The following DPP6 variants were observed in gnomAD, a reference collection of about 807,000 sequenced individuals.
DPP6 encodes the protein A-type potassium channel modulatory protein DPP6.
DPP6 carries 69 observed loss-of-function variants against 122.6 expected under a neutral mutation model. The observed-to-expected ratio is 0.56, with a 90% CI of 0.46 to 0.69. The LOEUF (loss-of-function observed/expected upper bound fraction) is 0.69. DPP6 is among the 30% of genes least tolerant of loss of function. The pLI, the probability that DPP6 is intolerant of heterozygous loss-of-function variation, is 0.00. For synonymous variants in DPP6, 418 were observed against 433.1 expected (o/e 0.97, Z 0.43); for missense variants, 928 against 1,116.9 (o/e 0.83, Z 2.41).
At chr7:154,634,420 A>G (rs1835601479) in intron 5 of DPP6, among the ~76,000 whole-genome samples, 1 of 151,912 alleles carries the variant, frequency 6.6e-6, no homozygotes, top group South Asian at 2.1e-4. Flanking sequence ...ATTGTTGGAT[A>G]TTTGGGTTGG....
intron 1 of DPP6, among the ~76,000 whole-genome samples, chr7:154,369,609 A>G (rs1586077104): frequency 1.3e-5 from 2 of 151,864 alleles, no homozygotes; most frequent in South Asian, 2.1e-4. Flanking sequence ...CTGGGGATCC[A>G]CCTGCCTTGG....
chr7:153,912,147 T>C (rs1800117368), intron 1 of DPP6, among the ~76,000 whole-genome samples: 1 of 152,242 alleles, frequency 6.6e-6, no homozygotes, highest in African/African-American at 2.4e-5. Flanking sequence ...TCAATAAATT[T>C]ACCAGTGGCT....
At chr7:154,795,528 A>G (rs552707129) in intron 11 of DPP6, among the ~76,000 whole-genome samples, 1 of 152,130 alleles carries the variant, frequency 6.6e-6, no homozygotes, top group East Asian at 1.9e-4. Flanking sequence ...GGCAGTGATG[A>G]CCGCCCCCTG....
intron 4 of DPP6, among the ~76,000 whole-genome samples, chr7:154,564,639 G>C (rs1394808112): frequency 6.6e-6 from 1 of 152,120 alleles, no homozygotes; most frequent in Non-Finnish European, 1.5e-5. Context: ...CATAGATTGG[G>C]ATCTTCATTA....
chr7:153,970,811 G>T (rs1005300731), intron 1 of DPP6, among the ~76,000 whole-genome samples: 8 of 151,972 alleles, frequency 5.3e-5, no homozygotes, highest in African/African-American at 1.9e-4. Flanking sequence ...CTGATGGATG[G>T]GTCTGTTTCT....
chr7:154,131,693 G>A (rs1795293156), intron 1 of DPP6, among the ~76,000 whole-genome samples: 1 of 152,280 alleles, frequency 6.6e-6, no homozygotes, highest in Non-Finnish European at 1.5e-5. Context: ...AACCTCGTCT[G>A]TAGGGATAGA....
At chr7:154,664,259 C>T (rs923376839) in intron 6 of DPP6, among the ~76,000 whole-genome samples, 2 of 152,190 alleles carry the variant, frequency 1.3e-5, no homozygotes, top group African/African-American at 4.8e-5. Flanking sequence ...GGTGAATCAC[C>T]ATGGCGTATT....
At chr7:154,432,400 A>G (rs1476570440) in intron 1 of DPP6, among the ~76,000 whole-genome samples, 1 of 152,248 alleles carries the variant, frequency 6.6e-6, no homozygotes, top group African/African-American at 2.4e-5. Context: ...TATGGCCCTA[A>G]GTACCCTGAG....
chr7:154,440,181 G>A (rs949143304), intron 1 of DPP6, among the ~76,000 whole-genome samples: 2 of 152,186 alleles, frequency 1.3e-5, no homozygotes, highest in African/African-American at 4.8e-5. Context: ...AAGGTGGGAT[G>A]ACATCGTCTT....
At chr7:154,819,269 G>T (rs1462500831) in intron 16 of DPP6, among the ~76,000 whole-genome samples, 1 of 152,164 alleles carries the variant, frequency 6.6e-6, no homozygotes, top group Non-Finnish European at 1.5e-5. Context: ...ACAAAAATTA[G>T]CTGGACGTGA....
chr7:153,880,813 G>C, the DPP6 span, among the ~76,000 whole-genome samples: 2 of 152,206 alleles, frequency 1.3e-5, no homozygotes, highest in African/African-American at 4.8e-5. Flanking sequence ...AATGAATTTA[G>C]TCTGAATTAT....
At chr7:154,641,568 T>G (rs1476091977) in intron 6 of DPP6, among the ~76,000 whole-genome samples, 5 of 152,204 alleles carry the variant, frequency 3.3e-5, no homozygotes, top group Non-Finnish European at 7.3e-5. Flanking sequence ...TTTTAGGGTC[T>G]AAAGCCAAAG....
At chr7:154,793,337 T>C (rs775170176) in intron 10 of DPP6, among the ~76,000 whole-genome samples, 18 of 152,290 alleles carry the variant, frequency 1.2e-4, no homozygotes, top group East Asian at 9.7e-4. Context: ...AAATGTAAAA[T>C]TGTATTTTTT....
chr7:154,008,658 C>CTTTTTTT (rs57634994), intron 1 of DPP6, among the ~76,000 whole-genome samples: 9 of 101,512 alleles, frequency 8.9e-5, no homozygotes, highest in African/African-American at 1.2e-4. Flanking sequence ...TATTTCTTTT[C>CTTTTTTT]TTTTTTTTTT....
chr7:154,163,339 A>T (rs1797074528), intron 1 of DPP6, among the ~76,000 whole-genome samples: 1 of 152,162 alleles, frequency 6.6e-6, no homozygotes, highest in African/African-American at 2.4e-5. Flanking sequence ...TGCGTTGCTC[A>T]TGTTTGGGGT....
intron 7 of DPP6, among the ~76,000 whole-genome samples, chr7:154,675,471 C>G (rs1356948918): frequency 6.6e-6 from 1 of 152,198 alleles, no homozygotes; most frequent in Non-Finnish European, 1.5e-5. Context: ...AGCCCTAGGG[C>G]TCTCTGGAAT....
At chr7:154,259,064 G>A (rs28754656) in intron 1 of DPP6, among the ~76,000 whole-genome samples, 34,170 of 152,088 alleles carry the variant, frequency 0.22, 4,086 homozygotes, top group Middle Eastern at 0.3. Context: ...ACATGGATGC[G>A]TGTGGCCTGT....
the DPP6 span, among the ~76,000 whole-genome samples, chr7:153,819,996 T>C: frequency 6.6e-6 from 1 of 152,226 alleles, no homozygotes; most frequent in Admixed American, 6.5e-5. Flanking sequence ...GGCAAAAGTT[T>C]AGTAATATAA....
At chr7:154,238,855 T>C (rs1801388147) in intron 1 of DPP6, among the ~76,000 whole-genome samples, 1 of 152,236 alleles carries the variant, frequency 6.6e-6, no homozygotes, top group Non-Finnish European at 1.5e-5. Flanking sequence ...CATTAAACGA[T>C]TTTCCTCAAT....
Sources: allele counts gnomAD v4.1 joint callset (sites outside exome capture counted in the v4.1 genomes callset), GRCh38; gene constraint gnomAD v4.1.1; transcripts MANE v1.5; gene names NCBI Gene and HGNC (gene_info 2026-07-23, HGNC 2026-07-21).